Variants in PMS1 observed in about 807,000 individuals in gnomAD.
The protein encoded by PMS1 is PMS1 protein homolog 1.
In PMS1, 79 loss-of-function variants were observed where a neutral mutation model predicts 93.1. The observed-to-expected ratio is 0.85, with a 90% CI of 0.71 to 1.02. The LOEUF is 1.02. Ranked by LOEUF, PMS1 falls within the 50% of genes least tolerant of loss-of-function variation. PMS1 has a pLI of 0.00. For missense variants in PMS1, 1,064 were observed against 1,085.3 expected (o/e 0.98, Z 0.28); for synonymous variants, 335 against 363.4 (o/e 0.92, Z 0.89).
Position 189,791,838 on chromosome 2 carries a change from G to T in PMS1, c.29G>T (p.Arg10Leu). 2 of 1,613,908 alleles carry T rather than the reference G, an allele frequency of 1.2e-6. No individual in the cohort carries two copies. The highest frequency in any genetic ancestry group is 1.7e-6 in the Non-Finnish European group (2 of 1,179,872). ...AAACAATTGCCTGCGGCAACAGTTCGACTCCTTTCAAGTTCTCAGATCATC... is the reference window on the plus strand; with the variant it reads ...AAACAATTGCCTGCGGCAACAGTTCTACTCCTTTCAAGTTCTCAGATCATC... MKQLPAATV[R>L]LLSSSQIITS... Residue 10 changes from arginine (R) to leucine (L), a missense_variant, in exon 2 of 13, where the codon CGA becomes CTA. Transcript: ENST00000441310.
At chr2:189,838,622 C>T (rs150682695) in intron 5 of PMS1, among the ~76,000 whole-genome samples, 23 of 152,312 alleles carry the variant, frequency 1.5e-4, no homozygotes, top group African/African-American at 5.3e-4. Flanking sequence ...AAGCCCATTT[C>T]GTACCCTTTA....
At chr2:189,805,382 A>G (rs917466148) in intron 3 of PMS1, among the ~76,000 whole-genome samples, 1 of 152,154 alleles carries the variant, frequency 6.6e-6, no homozygotes, top group Non-Finnish European at 1.5e-5. Flanking sequence ...TATAATACAA[A>G]TGGCATTTCA....
intron 9 of PMS1, among the ~76,000 whole-genome samples, chr2:189,863,363 C>T (rs1405767204): frequency 6.6e-6 from 1 of 151,612 alleles, no homozygotes; most frequent in Admixed American, 6.6e-5. Flanking sequence ...AAGCAATTCT[C>T]ATGCCTCAGC....
chr2:189,809,196 T>C (rs1267233661), intron 4 of PMS1, among the ~76,000 whole-genome samples: 2 of 152,158 alleles, frequency 1.3e-5, no homozygotes, highest in East Asian at 3.9e-4. Flanking sequence ...AAGAAAACTT[T>C]CTGATATATT....
chr2:189,821,456 C>CAA (rs779436688), intron 5 of PMS1, among the ~76,000 whole-genome samples: 16,636 of 91,438 alleles, frequency 0.18, 1,356 homozygotes, highest in African/African-American at 0.3. Flanking sequence ...GACTCCGTCT[C>CAA]AAAAAAAAAA....
At chr2:189,785,302 C>G (rs1249404325) in intron 1 of PMS1, 1 of 152,194 alleles carries the variant, frequency 6.6e-6, no homozygotes, top group Non-Finnish European at 1.5e-5. Context: ...TGTGTTCTCT[C>G]TAATGGAAGT....
At chr2:189,814,919 A>T (rs2051148639) in intron 4 of PMS1, among the ~76,000 whole-genome samples, 1 of 152,024 alleles carries the variant, frequency 6.6e-6, no homozygotes, top group South Asian at 2.1e-4. Context: ...AACATGGTGA[A>T]ACCCCGTCTC....
intron 5 of PMS1, among the ~76,000 whole-genome samples, chr2:189,822,072 C>T (rs796264792): frequency 1.3e-5 from 2 of 152,298 alleles, no homozygotes; most frequent in African/African-American, 4.8e-5. Flanking sequence ...CCACCTCCCC[C>T]TGCCTGCGCG....
chr2:189,863,968 T>G lies in PMS1; in HGVS notation c.2082T>G (p.Ile694Met). 1 of 1,608,352 alleles carries G rather than the reference T, an allele frequency of 6.2e-7. No homozygotes were observed. The highest frequency in any genetic ancestry group is 8.5e-7 in the Non-Finnish European group (1 of 1,175,994). Residue 694 changes from isoleucine to methionine, a missense_variant, in exon 10 of 13, where the codon ATT becomes ATG. Ile to Met is a conservative substitution (Grantham distance 10). Transcript: ENST00000441310. ...TTGAAAAAAGAAGGAGTCAAAATAT[T>G]AAAATGGTACAGATCCCCTTTTCTA... ...SQIEKRRSQN[I>M]KMVQIPFSMK... is the part of the protein sequence containing the mutation.
chr2:189,850,227 A>G (rs1462942079), intron 6 of PMS1, among the ~76,000 whole-genome samples: 1 of 152,154 alleles, frequency 6.6e-6, no homozygotes, highest in East Asian at 1.9e-4. Flanking sequence ...TTAAATTACT[A>G]CTGTAAAAAT....
chr2:189,787,977 T>A (rs1025119028), intron 1 of PMS1, among the ~76,000 whole-genome samples: 1 of 151,976 alleles, frequency 6.6e-6, no homozygotes, highest in Non-Finnish European at 1.5e-5. Flanking sequence ...GTAGATAAAG[T>A]GTGACAGAAT....
chr2:189,787,281 G>C (rs2048439870), intron 1 of PMS1, among the ~76,000 whole-genome samples: 1 of 152,154 alleles, frequency 6.6e-6, no homozygotes, highest in Non-Finnish European at 1.5e-5. Flanking sequence ...GTTTGCGTTA[G>C]CATAAGAAAG....
In PMS1 at chr2:189,864,196, G is replaced by A. The variant is rs749197166; in HGVS notation, c.2310G>A (p.Glu770=). The change falls in exon 10 of 13, where the codon GAG becomes GAA. Residue 770 remains glutamate (E), a synonymous_variant. Coordinates refer to ENST00000441310, the MANE Select transcript of PMS1 (RefSeq NM_000534.5). ...TTGAGAATCATAAACTTCCTGCAGA[G>A]CCACTGGAAAAGCCAATTATGTTAA... The part of the protein sequence containing the change: ...RLLENHKLPA[E]PLEKPIMLTE... 1 of 1,609,542 alleles carries A rather than the reference G, an allele frequency of 6.2e-7. No homozygotes were observed. Among genetic ancestry groups the A allele is most frequent in the Non-Finnish European group, 8.5e-7 (1 of 1,176,564 alleles).
chr2:189,851,456 T>G (rs112314281), intron 6 of PMS1, among the ~76,000 whole-genome samples: 395 of 152,338 alleles, frequency 2.6e-3, no homozygotes, highest in African/African-American at 9.2e-3. Flanking sequence ...GTTTTGCAGT[T>G]AATTAAGTAG....
rs140297322 is a variant in PMS1, at chr2:189,797,410, C to T, written c.315+1459C>T. Among the ~76,000 whole-genome samples, 14 of 152,264 alleles carry T rather than the reference C, an allele frequency of 9.2e-5. No homozygotes were observed. In the East Asian group the frequency reaches 2.5e-3, roughly 27 times the overall value. On this transcript the variant is annotated intron_variant, in intron 3 of 12. Transcript: ENST00000441310. ...CTTATAACTAGTTTGTAGCAAAGCC[C>T]GTCTAGAACCTTGATCTCTTCATTT...
chr2:189,843,819 G>C (rs552232937), intron 5 of PMS1, 145 bp from the exon 6 acceptor site: 2 of 705,166 alleles, frequency 2.8e-6, no homozygotes, highest in Non-Finnish European at 4.9e-6. Flanking sequence ...TCTTCTGTCA[G>C]ACCTCATAGC....
At chr2:189,829,324 T>G (rs1031828779) in intron 5 of PMS1, among the ~76,000 whole-genome samples, 1 of 152,164 alleles carries the variant, frequency 6.6e-6, no homozygotes, top group Admixed American at 6.5e-5. Context: ...ACTCCATAAT[T>G]TCACTGTTAA....
At chr2:189,826,966 A>T (rs567771407) in intron 5 of PMS1, among the ~76,000 whole-genome samples, 18 of 152,248 alleles carry the variant, frequency 1.2e-4, no homozygotes, top group African/African-American at 3.6e-4. Context: ...TTCCTTGGTG[A>T]CCTCTTATGT....
rs1168215654 is a variant in PMS1, at chr2:189,795,805, A to G, written c.169A>G (p.Asn57Asp). The G allele has an allele frequency of 6.2e-7, 1 of 1,613,944 alleles. No individual in the cohort carries two copies. The highest frequency in any genetic ancestry group is 1.7e-5 in the Admixed American group (1 of 60,022). Residue 57 changes from asparagine to aspartate, a missense_variant, in exon 3 of 13, where the codon AAC (asparagine) becomes GAC (aspartate). By Grantham distance (23) the Asn-to-Asp change is conservative. Coordinates refer to ENST00000441310, the MANE Select transcript of PMS1 (RefSeq NM_000534.5). ...ATTTGATAAAATTGAGGTGCGAGAT[A>G]ACGGGGAGGGTATCAAGGCTGTTGA... ...YGFDKIEVRD[N>D]GEGIKAVDAP...
Sources: gnomAD v4.1 joint callset for allele counts (sites outside exome capture counted in the v4.1 genomes callset) on GRCh38, gnomAD v4.1.1 for gene constraint, MANE v1.5 for transcripts, NCBI Gene and HGNC (gene_info 2026-07-23, HGNC 2026-07-21) for gene names.